SGIP1: variants seen among roughly 807,000 people sequenced by gnomAD.
The protein encoded by SGIP1 is SH3GL interacting endocytic adaptor 1, also known as SH3-containing GRB2-like protein 3-interacting protein 1.
Under a neutral mutation model 107.5 loss-of-function variants are expected in SGIP1, and 38 were observed. The ratio of observed to expected loss-of-function variants is 0.35; its 90% CI spans 0.27 to 0.46. The LOEUF is 0.46. Ranked by LOEUF, SGIP1 falls within the 20% of genes least tolerant of loss-of-function variation. The pLI, the probability that SGIP1 is intolerant of heterozygous loss-of-function variation, is 1.00. For missense variants in SGIP1, 929 were observed against 1,019.5 expected, an observed-to-expected ratio of 0.91 and a Z score of 1.21; for synonymous variants, 365 against 366.1, an observed-to-expected ratio of 1.00 and a Z score of 0.03.
rs2094528491 is a variant in SGIP1, at chr1:66,744,589, A to T, written c.*1494A>T. 6.6e-6 allele frequency: 1 copy of T among 152,124 alleles called. No individual in the cohort carries two copies. The highest frequency in any genetic ancestry group is 1.5e-5 in the Non-Finnish European group (1 of 67,940). 9.4% of individuals were successfully genotyped at this position (152,124 alleles called of 1,614,324 possible). On this transcript the variant is annotated 3_prime_UTR_variant, in exon 25 of 25. Coordinates refer to ENST00000371037, the MANE Select transcript of SGIP1 (RefSeq NM_032291.4). ...AGTTGTTAAATTTCATTTTACACCC[A>T]CTCAAATTTAACAAAGAATCTTTAG...
intron 1 of SGIP1, among the ~76,000 whole-genome samples, chr1:66,554,750 A>G (rs993745565): frequency 2.0e-5 from 3 of 152,142 alleles, no homozygotes; most frequent in Non-Finnish European, 4.4e-5. Flanking sequence ...AAAAATTCAG[A>G]ATCTAAGACA....
chr1:66,645,150 G>A (rs2149513044), intron 7 of SGIP1, among the ~76,000 whole-genome samples: 1 of 152,246 alleles, frequency 6.6e-6, no homozygotes, highest in Non-Finnish European at 1.5e-5. Flanking sequence ...TAATAAACTG[G>A]CCCTTTGGAA....
chr1:66,623,734 C>T (rs1002874477), intron 1 of SGIP1, among the ~76,000 whole-genome samples: 4 of 152,186 alleles, frequency 2.6e-5, no homozygotes, highest in Admixed American at 1.3e-4. Context: ...CAGATTCTTT[C>T]GTCTCTTATC....
At chr1:66,650,853 G>A (rs2078617645) in intron 7 of SGIP1, among the ~76,000 whole-genome samples, 1 of 152,120 alleles carries the variant, frequency 6.6e-6, no homozygotes, top group Non-Finnish European at 1.5e-5. Flanking sequence ...CCTTGAGAAG[G>A]TGTCTTTTAA....
chr1:66,675,563 A>G (rs2085099262), intron 12 of SGIP1, among the ~76,000 whole-genome samples: 1 of 28,838 alleles, frequency 3.5e-5, no homozygotes. Flanking sequence ...TTTTTTTGAC[A>G]GAATCTCACT....
intron 15 of SGIP1, among the ~76,000 whole-genome samples, chr1:66,686,536 T>C (rs1413790290): frequency 2.0e-5 from 3 of 151,290 alleles, no homozygotes; most frequent in Non-Finnish European, 4.4e-5. Flanking sequence ...GTGCAAATGA[T>C]AGCCATCTAC....
intron 7 of SGIP1, among the ~76,000 whole-genome samples, chr1:66,655,672 G>A (rs113940161): frequency 5.3e-5 from 8 of 152,286 alleles, no homozygotes; most frequent in Middle Eastern, 3.4e-3. Flanking sequence ...ATAGGCAAAT[G>A]TAACACAACG....
chr1:66,697,378 A>G (rs1288246326), intron 18 of SGIP1, among the ~76,000 whole-genome samples: 1 of 152,202 alleles, frequency 6.6e-6, no homozygotes, highest in African/African-American at 2.4e-5. Flanking sequence ...TTCCTTAAAC[A>G]TCTCAATTTG....
At chr1:66,543,467 G>A (rs980458094) in intron 1 of SGIP1, among the ~76,000 whole-genome samples, 1 of 152,182 alleles carries the variant, frequency 6.6e-6, no homozygotes, top group Non-Finnish European at 1.5e-5. Context: ...TATTCTCTCT[G>A]TAAGAGGACA....
chr1:66,574,494 A>G (rs2060791666), intron 1 of SGIP1, among the ~76,000 whole-genome samples: 1 of 152,094 alleles, frequency 6.6e-6, no homozygotes, highest in Non-Finnish European at 1.5e-5. Flanking sequence ...TCATTGTTTA[A>G]TTAGGCACAT....
At chr1:66,606,203 C>G (rs1039592345) in intron 1 of SGIP1, among the ~76,000 whole-genome samples, 1 of 152,184 alleles carries the variant, frequency 6.6e-6, no homozygotes, top group Non-Finnish European at 1.5e-5. Flanking sequence ...GTTAATCTCT[C>G]AGAACCTCTG....
intron 17 of SGIP1, among the ~76,000 whole-genome samples, chr1:66,694,080 A>G (rs760376475): frequency 1.1e-4 from 17 of 152,214 alleles, no homozygotes; most frequent in Non-Finnish European, 1.9e-4. Context: ...TGACCACTTG[A>G]GAATTGTGTT....
At chr1:66,630,871 GAA>G (rs1249392562) in intron 2 of SGIP1, among the ~76,000 whole-genome samples, 1 of 40,618 alleles carries the variant, frequency 2.5e-5, no homozygotes, top group Non-Finnish European at 4.0e-5. Flanking sequence ...AAGAAAGAAA[GAA>G]AGAAAGAAAG....
At chr1:66,654,206 G>A (rs773005572) in intron 7 of SGIP1, among the ~76,000 whole-genome samples, 2 of 152,094 alleles carry the variant, frequency 1.3e-5, no homozygotes, top group Non-Finnish European at 2.9e-5. Context: ...CAAATTTATG[G>A]TCTCAGTTGC....
intron 1 of SGIP1, among the ~76,000 whole-genome samples, chr1:66,604,129 A>G (rs1245498682): frequency 1.3e-5 from 2 of 152,194 alleles, no homozygotes; most frequent in African/African-American, 4.8e-5. Context: ...GTCTCTGGAA[A>G]AATATCTCTA....
At chr1:66,696,409 C>T (rs1052006159) in intron 18 of SGIP1, among the ~76,000 whole-genome samples, 5 of 152,130 alleles carry the variant, frequency 3.3e-5, no homozygotes, top group Non-Finnish European at 5.9e-5. Context: ...ACACATTCCA[C>T]TCTAGATTTG....
At chr1:66,566,942 A>T (rs1027270075) in intron 1 of SGIP1, among the ~76,000 whole-genome samples, 1 of 151,828 alleles carries the variant, frequency 6.6e-6, no homozygotes, top group Non-Finnish European at 1.5e-5. Flanking sequence ...ACTTTCACTT[A>T]TGAGTGTGAA....
At chr1:66,656,086 C>G (rs2079722081) in intron 7 of SGIP1, among the ~76,000 whole-genome samples, 1 of 152,096 alleles carries the variant, frequency 6.6e-6, no homozygotes, top group Non-Finnish European at 1.5e-5. Context: ...CTCTATTCTA[C>G]AAGCTTTTTT....
chr1:66,648,310 C>T lies in SGIP1; in HGVS notation c.459+4591C>T, dbSNP rs149535685. ...CTTCTGAAGAAGATTCTGCATGGTG[C>T]ATTTTGGTGTCCATCCCAAATTCTC... On this transcript the variant is annotated intron_variant, in intron 7 of 24. Transcript: ENST00000371037. Among the ~76,000 whole-genome samples the T allele has an allele frequency of 7.9e-4, 121 of 152,240 alleles. 1 individual carries two copies. Among genetic ancestry groups the T allele is most frequent in the Admixed American group, 5.4e-3 (83 of 15,286 alleles).
Sources: allele counts gnomAD v4.1 joint callset (sites outside exome capture counted in the v4.1 genomes callset), GRCh38; gene constraint gnomAD v4.1.1; transcripts MANE v1.5; gene names NCBI Gene and HGNC (gene_info 2026-07-23, HGNC 2026-07-21).